Variants in PRKCQ observed in about 807,000 individuals in gnomAD.
PRKCQ encodes the protein protein kinase C theta type.
In PRKCQ, 41 loss-of-function variants were observed where a neutral mutation model predicts 91.2. The observed-to-expected ratio is 0.45, with a 90% confidence interval of 0.35 to 0.58. The LOEUF (loss-of-function observed/expected upper bound fraction) is 0.58, where lower values mean the gene tolerates loss of function less well. PRKCQ is among the 20% of genes least tolerant of loss of function. The probability of loss-of-function intolerance (pLI) is 0.00; values close to 1 mark genes in which losing one functional copy is unlikely to be tolerated. For synonymous variants in PRKCQ, 307 were observed against 316.9 expected, an observed-to-expected ratio of 0.97 and a Z score of 0.33; for missense variants, 673 against 896.5, an observed-to-expected ratio of 0.75 and a Z score of 3.18.
intron 15 of PRKCQ, among the ~76,000 whole-genome samples, chr10:6,444,058 T>C (rs145670646): frequency 6.6e-6 from 1 of 152,230 alleles, no homozygotes; most frequent in African/African-American, 2.4e-5. Context: ...AACTATACAA[T>C]ACACTTTATT....
chr10:6,517,803 G>A (rs928398615), intron 1 of PRKCQ, among the ~76,000 whole-genome samples: 10 of 137,094 alleles, frequency 7.3e-5, no homozygotes, highest in African/African-American at 9.8e-5. Flanking sequence ...GTAAGTAAAC[G>A]CCATTCTTAC....
the PRKCQ span, among the ~76,000 whole-genome samples, chr10:6,400,552 G>A: frequency 3.3e-5 from 5 of 150,920 alleles, no homozygotes; most frequent in African/African-American, 4.9e-5. Context: ...GCAATCCCAC[G>A]TCCCGTGTCT....
chr10:6,566,856 A>C (rs1270578405), intron 1 of PRKCQ, among the ~76,000 whole-genome samples: 2 of 152,078 alleles, frequency 1.3e-5, no homozygotes, highest in Non-Finnish European at 2.9e-5. Context: ...CCTAAAACTC[A>C]CCTTTAGATA....
intron 15 of PRKCQ, among the ~76,000 whole-genome samples, chr10:6,452,502 G>A (rs371756188): frequency 3.3e-5 from 5 of 151,542 alleles, no homozygotes; most frequent in Non-Finnish European, 7.4e-5. Context: ...ACTGCCCAAG[G>A]TAATTTATAG....
chr10:6,550,594 T>C (rs545796551), intron 1 of PRKCQ, among the ~76,000 whole-genome samples: 4 of 152,364 alleles, frequency 2.6e-5, no homozygotes, highest in African/African-American at 9.6e-5. Flanking sequence ...GTTTGTAGCA[T>C]ATTTTGTTCA....
chr10:6,437,106 T>A (rs1564292914), intron 16 of PRKCQ, among the ~76,000 whole-genome samples: 1 of 152,346 alleles, frequency 6.6e-6, no homozygotes, highest in South Asian at 2.1e-4. Context: ...CTAAGCCTTG[T>A]GCTCACTTTT....
intron 1 of PRKCQ, among the ~76,000 whole-genome samples, chr10:6,570,048 GAGGA>G (rs1414512053): frequency 2.6e-5 from 4 of 151,966 alleles, no homozygotes; most frequent in African/African-American, 9.7e-5. Flanking sequence ...AAGGAGAAGA[GAGGA>G]AGGAAGGAAG....
At chr10:6,500,964 T>C (rs944654701) in intron 4 of PRKCQ, among the ~76,000 whole-genome samples, 2 of 152,244 alleles carry the variant, frequency 1.3e-5, no homozygotes, top group Middle Eastern at 3.4e-3. Context: ...TGTACCCATA[T>C]TTTTTAGGAG....
At chr10:6,424,880 A>G (rs533863440), downstream of PRKCQ, among the ~76,000 whole-genome samples, 13 of 152,172 alleles carry the variant, frequency 8.5e-5, no homozygotes, top group South Asian at 1.5e-3. Context: ...ACCTTTAACT[A>G]TACCCTGAGG....
chr10:6,410,538 AAGTAGC>A, the PRKCQ span, among the ~76,000 whole-genome samples: 70 of 152,280 alleles, frequency 4.6e-4, no homozygotes, highest in African/African-American at 1.6e-3. Context: ...CCAGGGCTCT[AAGTAGC>A]AGTGGTGTTT....
At chr10:6,458,086 C>T (rs58688610) in intron 14 of PRKCQ, among the ~76,000 whole-genome samples, 239 of 152,304 alleles carry the variant, frequency 1.6e-3, no homozygotes, top group African/African-American at 5.3e-3. Context: ...TGTGTGCCAT[C>T]GCCATGCCTG....
intron 3 of PRKCQ, among the ~76,000 whole-genome samples, chr10:6,509,406 A>C (rs947557713): frequency 6.6e-6 from 1 of 152,194 alleles, no homozygotes. Context: ...TTTAAAAAAA[A>C]AATTAGGTAG....
chr10:6,562,600 A>G (rs1295955615), intron 1 of PRKCQ, among the ~76,000 whole-genome samples: 3 of 152,180 alleles, frequency 2.0e-5, no homozygotes, highest in Non-Finnish European at 2.9e-5. Context: ...CTCAAAACCC[A>G]CTTCTCAGAA....
At chr10:6,394,164 C>T in the PRKCQ span, among the ~76,000 whole-genome samples, 3 of 152,234 alleles carry the variant, frequency 2.0e-5, no homozygotes, top group African/African-American at 7.2e-5. Context: ...GTGAAGGTGT[C>T]ATGTCGTTCA....
chr10:6,464,957 A>C (rs1002047929), intron 12 of PRKCQ, among the ~76,000 whole-genome samples: 4 of 152,156 alleles, frequency 2.6e-5, no homozygotes, highest in Admixed American at 2.0e-4. Flanking sequence ...TGCGTGTTAC[A>C]ACCCAGCAGA....
At chr10:6,532,824 G>A (rs553726005) in intron 1 of PRKCQ, among the ~76,000 whole-genome samples, 2 of 152,182 alleles carry the variant, frequency 1.3e-5, no homozygotes, top group Non-Finnish European at 2.9e-5. Context: ...AAATCTAAGA[G>A]ATATTGGTAA....
intron 17 of PRKCQ, among the ~76,000 whole-genome samples, chr10:6,428,741 T>C (rs1833256408): frequency 6.6e-6 from 1 of 151,328 alleles, no homozygotes; most frequent in African/African-American, 2.4e-5. Context: ...GGGAGGGTGG[T>C]GGGGAGAGGG....
chr10:6,485,307 C>A, intron 9 of PRKCQ, 38 bp from the exon 10 acceptor site: 1 of 1,511,620 alleles, frequency 6.6e-7, no homozygotes, highest in South Asian at 1.1e-5. Flanking sequence ...CCCACCCACC[C>A]ACCATTGATG....
At chr10:6,570,400 G>A (rs1010278349) in intron 1 of PRKCQ, among the ~76,000 whole-genome samples, 13 of 151,930 alleles carry the variant, frequency 8.6e-5, no homozygotes, top group Non-Finnish European at 1.8e-4. Flanking sequence ...GGATTTAAGC[G>A]CACTTAATAC....
Sources: allele counts gnomAD v4.1 joint callset (sites outside exome capture counted in the v4.1 genomes callset), GRCh38; gene constraint gnomAD v4.1.1; transcripts MANE v1.5; gene names NCBI Gene and HGNC (gene_info 2026-07-23, HGNC 2026-07-21).